Variants in LHFPL6 observed in about 807,000 individuals in gnomAD.
LHFPL6 encodes LHFPL tetraspan subfamily member 6 protein.
Under a neutral mutation model 20.6 loss-of-function variants are expected in LHFPL6, and 9 were observed. The ratio of observed to expected loss-of-function variants is 0.44; its 90% CI spans 0.26 to 0.76. LHFPL6 has a LOEUF of 0.76. Ranked by LOEUF, LHFPL6 falls within the 30% of genes least tolerant of loss-of-function variation. The pLI, the probability that LHFPL6 is intolerant of heterozygous loss-of-function variation, is 0.20. For missense variants in LHFPL6, 218 were observed against 253.5 expected (o/e 0.86, Z 0.95); for synonymous variants, 105 against 98.7 (o/e 1.06, Z -0.38).
rs578256129 is a variant in LHFPL6, at chr13:39,439,707, T to C, written c.386-61181A>G. Reference sequence around the variant, plus strand: ...TTGGTGCTGTTCTCATGATAGTGAGTGAGTTCTCATGAGATCTGGTTTTTT... The same window carrying C: ...TTGGTGCTGTTCTCATGATAGTGAGCGAGTTCTCATGAGATCTGGTTTTTT... On this transcript the variant is annotated intron_variant, in intron 2 of 3. Transcript: ENST00000379589. Among the ~76,000 whole-genome samples, 3 of 152,234 alleles carry C rather than the reference T, an allele frequency of 2.0e-5. No individual in the cohort carries two copies. The South Asian group carries it at 6.2e-4, about 32-fold the overall frequency.
chr13:39,411,315 G>A (rs993655134), intron 2 of LHFPL6, among the ~76,000 whole-genome samples: 5 of 152,170 alleles, frequency 3.3e-5, no homozygotes, highest in African/African-American at 1.2e-4. Context: ...GTTTTTGTTA[G>A]TAAAATTATT....
chr13:39,565,817 T>C (rs1266908495), intron 2 of LHFPL6, among the ~76,000 whole-genome samples: 2 of 152,224 alleles, frequency 1.3e-5, no homozygotes, highest in East Asian at 3.8e-4. Context: ...CTCAGCCACC[T>C]ACACTGGGGC....
chr13:39,432,364 A>G (rs1871835108), intron 2 of LHFPL6, among the ~76,000 whole-genome samples: 1 of 151,442 alleles, frequency 6.6e-6, no homozygotes, highest in African/African-American at 2.4e-5. Flanking sequence ...CCCTCTGTCC[A>G]TTCCCTCCCT....
intron 2 of LHFPL6, among the ~76,000 whole-genome samples, chr13:39,497,648 G>A (rs1869144267): frequency 6.6e-6 from 1 of 152,260 alleles, no homozygotes; most frequent in African/African-American, 2.4e-5. Flanking sequence ...GGTAATATGT[G>A]TACAGGAGTC....
intron 2 of LHFPL6, among the ~76,000 whole-genome samples, chr13:39,491,234 G>C (rs1276304533): frequency 6.6e-6 from 1 of 152,180 alleles, no homozygotes; most frequent in Non-Finnish European, 1.5e-5. Flanking sequence ...TATGATTGGG[G>C]ATCAAAGAAG....
At chr13:39,433,063 G>A (rs985085635) in intron 2 of LHFPL6, among the ~76,000 whole-genome samples, 1 of 152,118 alleles carries the variant, frequency 6.6e-6, no homozygotes, top group Non-Finnish European at 1.5e-5. Context: ...CTTGCCTTCT[G>A]ATGCTAAAAT....
At chr13:39,397,672 C>A (rs1870878093) in intron 2 of LHFPL6, among the ~76,000 whole-genome samples, 1 of 152,186 alleles carries the variant, frequency 6.6e-6, no homozygotes, top group Non-Finnish European at 1.5e-5. Flanking sequence ...AATGCACAGA[C>A]TGTTATTCTG....
intron 2 of LHFPL6, among the ~76,000 whole-genome samples, chr13:39,421,623 G>A (rs977480249): frequency 6.6e-6 from 1 of 152,074 alleles, no homozygotes; most frequent in African/African-American, 2.4e-5. Flanking sequence ...ATTAACGGGT[G>A]GACAAGTTCA....
intron 2 of LHFPL6, among the ~76,000 whole-genome samples, chr13:39,396,615 G>A (rs1283472839): frequency 6.6e-6 from 1 of 151,810 alleles, no homozygotes; most frequent in Non-Finnish European, 1.5e-5. Flanking sequence ...GGGCAACATG[G>A]CAAGACACCA....
At chr13:39,563,430 C>T (rs146314422) in intron 2 of LHFPL6, among the ~76,000 whole-genome samples, 10 of 152,142 alleles carry the variant, frequency 6.6e-5, no homozygotes, top group African/African-American at 2.4e-4. Context: ...AAGCATATTC[C>T]TAAGTGACTA....
intron 2 of LHFPL6, among the ~76,000 whole-genome samples, chr13:39,588,928 A>G (rs1262680815): frequency 6.6e-6 from 1 of 152,224 alleles, no homozygotes; most frequent in Non-Finnish European, 1.5e-5. Flanking sequence ...TTTCTTTTTT[A>G]TCCAACAATA....
chr13:39,472,361 G>A (rs1241677507), intron 2 of LHFPL6, among the ~76,000 whole-genome samples: 1 of 151,958 alleles, frequency 6.6e-6, no homozygotes, highest in Admixed American at 6.6e-5. Context: ...TCTTCTCCTT[G>A]GATGTTTTCA....
intron 3 of LHFPL6, among the ~76,000 whole-genome samples, chr13:39,346,017 C>T (rs983113398): frequency 6.6e-6 from 1 of 152,222 alleles, no homozygotes; most frequent in African/African-American, 2.4e-5. Flanking sequence ...CACCGCGGAA[C>T]ACAGCCACTT....
chr13:39,551,900 T>G (rs1445816031), intron 2 of LHFPL6, among the ~76,000 whole-genome samples: 2 of 152,216 alleles, frequency 1.3e-5, no homozygotes, highest in Non-Finnish European at 1.5e-5. Context: ...ATTTTTATAT[T>G]TTTAGGTTTT....
chr13:39,433,796 T>TC (rs1871878783), intron 2 of LHFPL6, among the ~76,000 whole-genome samples: 1 of 152,158 alleles, frequency 6.6e-6, no homozygotes. Context: ...GTATAAGAAT[T>TC]CCTATCCATC....
intron 2 of LHFPL6, among the ~76,000 whole-genome samples, chr13:39,407,774 A>T (rs980503669): frequency 2.1e-4 from 32 of 152,238 alleles, no homozygotes; most frequent in Admixed American, 1.0e-3. Flanking sequence ...AATTTTTAAC[A>T]ATGAATTTAT....
At chr13:39,387,708 C>T (rs1037260060) in intron 2 of LHFPL6, among the ~76,000 whole-genome samples, 2 of 152,178 alleles carry the variant, frequency 1.3e-5, no homozygotes, top group African/African-American at 4.8e-5. Context: ...CTCCTAACCC[C>T]TCTTCTCCAA....
At chr13:39,594,941 G>A (rs1313345472) in intron 2 of LHFPL6, among the ~76,000 whole-genome samples, 1 of 152,058 alleles carries the variant, frequency 6.6e-6, no homozygotes, top group East Asian at 1.9e-4. Context: ...CACAGGAAGG[G>A]GAACATCACA....
chr13:39,598,749 G>A (rs921286926), intron 2 of LHFPL6, among the ~76,000 whole-genome samples: 1 of 151,938 alleles, frequency 6.6e-6, no homozygotes, highest in Admixed American at 6.6e-5. Context: ...AGTGGAGACC[G>A]GGTTTCACCG....
Sources: allele counts gnomAD v4.1 joint callset (sites outside exome capture counted in the v4.1 genomes callset), GRCh38; gene constraint gnomAD v4.1.1; transcripts MANE v1.5; gene names NCBI Gene and HGNC (gene_info 2026-07-23, HGNC 2026-07-21).